Variants in CENPQ observed in about 807,000 individuals in gnomAD.
CENPQ encodes the protein chromosome 6 open reading frame 139.
A neutral mutation model predicts 36.6 loss-of-function variants in CENPQ; 27 were observed. The observed-to-expected ratio is 0.74, with a 90% CI of 0.54 to 1.02. The LOEUF is 1.02. Among genes scored for constraint, CENPQ ranks in the 50% least tolerant of loss-of-function variants. CENPQ has a pLI of 0.00. For missense variants in CENPQ, 306 were observed against 301.8 expected (o/e 1.01, Z -0.10); for synonymous variants, 101 against 101.7 (o/e 0.99, Z 0.04).
intron 6 of CENPQ, among the ~76,000 whole-genome samples, chr6:49,483,176 G>A (rs1426712540): frequency 6.6e-6 from 1 of 152,138 alleles, no homozygotes; most frequent in Non-Finnish European, 1.5e-5. Context: ...CCCCACCAGA[G>A]TAGCTAGATA....
At chr6:49,477,413 C>T (rs545532058) in intron 5 of CENPQ, among the ~76,000 whole-genome samples, 1 of 110,792 alleles carries the variant, frequency 9.0e-6, no homozygotes, top group Admixed American at 1.2e-4. Context: ...CACACCGGGG[C>T]CTGTCATGGG....
At chr6:49,490,944 A>T (rs1768707456) in intron 8 of CENPQ, among the ~76,000 whole-genome samples, 1 of 152,242 alleles carries the variant, frequency 6.6e-6, no homozygotes, top group Admixed American at 6.5e-5. Flanking sequence ...TCACCATAAC[A>T]GATACCGTAA....
chr6:49,490,884 T>C (rs978032859), intron 8 of CENPQ, among the ~76,000 whole-genome samples: 1 of 152,224 alleles, frequency 6.6e-6, no homozygotes, highest in Non-Finnish European at 1.5e-5. Flanking sequence ...GTTGCAGTTA[T>C]GGCACCCAGA....
intron 6 of CENPQ, among the ~76,000 whole-genome samples, chr6:49,483,601 T>G (rs1768506083): frequency 6.6e-6 from 1 of 152,156 alleles, no homozygotes. Context: ...AATCGAGCAG[T>G]GCCGGTGGGC....
chr6:49,485,494 C>T (rs554570508), intron 6 of CENPQ, among the ~76,000 whole-genome samples: 53 of 151,942 alleles, frequency 3.5e-4, no homozygotes, highest in African/African-American at 3.6e-4. Context: ...CCTGATACAC[C>T]GAAAGCATAC....
intron 7 of CENPQ, 64 bp downstream of exon 7, chr6:49,488,535 G>T: frequency 6.3e-7 from 1 of 1,594,166 alleles, no homozygotes; most frequent in South Asian, 1.1e-5. Flanking sequence ...ATTATGCAAA[G>T]ATAACTTTCG....
intron 5 of CENPQ, among the ~76,000 whole-genome samples, chr6:49,479,388 A>G (rs1352238892): frequency 6.6e-6 from 1 of 152,196 alleles, no homozygotes; most frequent in Non-Finnish European, 1.5e-5. Context: ...AATGCTCTCA[A>G]CATCACTAAT....
intron 6 of CENPQ, among the ~76,000 whole-genome samples, chr6:49,483,765 C>T (rs1462409784): frequency 6.6e-6 from 1 of 152,250 alleles, no homozygotes; most frequent in African/African-American, 2.4e-5. Context: ...CTGCAAGCAC[C>T]GGGCGCAGCC....
rs186233618 is a variant in CENPQ, at chr6:49,465,114, T to A, written c.-19+1661T>A. On this transcript the variant is annotated intron_variant, in intron 1 of 8. Transcript: ENST00000335783. Reference sequence around the variant, plus strand: ...CATGGGCTGCAGAATGGATGTTGTGTTAGCAGACATGAAAACAGCATTAAT... The same window carrying A: ...CATGGGCTGCAGAATGGATGTTGTGATAGCAGACATGAAAACAGCATTAAT... Among the ~76,000 whole-genome samples, 563 of 152,358 alleles carry A rather than the reference T, an allele frequency of 3.7e-3. 1 individual carries two copies. Among genetic ancestry groups the A allele is most frequent in the African/African-American group, 0.013 (542 of 41,584 alleles).
intron 5 of CENPQ, among the ~76,000 whole-genome samples, chr6:49,480,747 T>A (rs1396721493): frequency 6.6e-6 from 1 of 152,154 alleles, no homozygotes; most frequent in East Asian, 1.9e-4. Context: ...TCCCTTAATT[T>A]GAGGTAAATC....
chr6:49,492,234 A>G lies in CENPQ; in HGVS notation c.766A>G (p.Thr256Ala), dbSNP rs765825360. ...HNSSQMKSMS[T>A]FIEEAYKKLD... ...TTCATCACAGATGAAGAGCATGTCA[A>G]CCTTCATTGAAGAAGCCTATAAGAA... Residue 256 changes from threonine (T) to alanine (A), a missense_variant, in exon 9 of 9, where the codon ACC (threonine) becomes GCC (alanine). Physicochemically the swap from Thr to Ala is moderately conservative, Grantham distance 58. Transcript: ENST00000335783. 1.7e-5 allele frequency: 28 copies of G among 1,606,920 alleles called. No individual in the cohort carries two copies. The highest frequency in any genetic ancestry group is 2.3e-5 in the Non-Finnish European group (27 of 1,177,404).
chr6:49,485,868 A>T (rs1768564695), intron 6 of CENPQ, among the ~76,000 whole-genome samples: 1 of 152,088 alleles, frequency 6.6e-6, no homozygotes, highest in Admixed American at 6.5e-5. Context: ...AACCAAAGCA[A>T]TGGAACAAAA....
Position 49,476,199 on chromosome 6 carries a change from C to T in CENPQ, c.347+3341C>T, listed in dbSNP as rs185764175. On this transcript the variant is annotated intron_variant, in intron 5 of 8. Coordinates refer to ENST00000335783, the MANE Select transcript of CENPQ (RefSeq NM_018132.4). ...TATAAAAAGGCTATAGTAAACAAAA[C>T]ACCATGGTACTGGTACCAAAACAGA... 2.0e-5 allele frequency among the ~76,000 whole-genome samples: 3 copies of T among 152,292 alleles called. No individual in the cohort carries two copies. The South Asian group carries it at 6.2e-4, about 32-fold the overall frequency.
Sources: allele counts gnomAD v4.1 joint callset (sites outside exome capture counted in the v4.1 genomes callset), GRCh38; gene constraint gnomAD v4.1.1; transcripts MANE v1.5; gene names NCBI Gene and HGNC (gene_info 2026-07-23, HGNC 2026-07-21).